Variants in PLBD2 observed in about 807,000 individuals in gnomAD.
PLBD2 encodes the protein phospholipase B domain containing 2.
Under a neutral mutation model 68.3 loss-of-function variants are expected in PLBD2, and 51 were observed. That is an observed-to-expected ratio of 0.75 (90% CI 0.60 to 0.94). PLBD2 has a LOEUF of 0.94. Among genes scored for constraint, PLBD2 ranks in the 40% least tolerant of loss-of-function variants. The pLI is 0.00. For synonymous variants in PLBD2, 314 were observed against 339.3 expected, an observed-to-expected ratio of 0.93 and a Z score of 0.82; for missense variants, 729 against 792.2, an observed-to-expected ratio of 0.92 and a Z score of 0.96.
At chr12:113,365,255 G>GT (rs1957332124) in intron 1 of PLBD2, among the ~76,000 whole-genome samples, 1 of 152,046 alleles carries the variant, frequency 6.6e-6, no homozygotes, top group Non-Finnish European at 1.5e-5. Flanking sequence ...ACTGTATTAT[G>GT]TGGGAGCCTC....
At chr12:113,386,804 C>T in intron 9 of PLBD2, 133 bp from the exon 10 acceptor site, 1 of 1,041,156 alleles carries the variant, frequency 9.6e-7, no homozygotes, top group Non-Finnish European at 1.3e-6. Flanking sequence ...CAGGTGTGAG[C>T]CACTGCACCC....
intron 2 of PLBD2, among the ~76,000 whole-genome samples, chr12:113,370,473 T>C (rs1957379700): frequency 9.2e-6 from 1 of 109,110 alleles, no homozygotes; most frequent in South Asian, 3.1e-4. Context: ...TTTTCTTTTC[T>C]TTTTTTTTTT....
At chr12:113,382,578 G>C (rs1957501527) in intron 6 of PLBD2, among the ~76,000 whole-genome samples, 2 of 151,700 alleles carry the variant, frequency 1.3e-5, no homozygotes, top group South Asian at 4.2e-4. Context: ...CAAGTAACTG[G>C]AACTATAGGC....
chr12:113,376,258 G>C (rs908800793), intron 5 of PLBD2, among the ~76,000 whole-genome samples: 10 of 151,310 alleles, frequency 6.6e-5, no homozygotes, highest in African/African-American at 2.4e-4. Context: ...CTGCCTCCTG[G>C]GTTCAAGTGA....
intron 5 of PLBD2, among the ~76,000 whole-genome samples, chr12:113,376,163 A>G (rs1259771910): frequency 8.7e-6 from 1 of 115,292 alleles, no homozygotes; most frequent in Non-Finnish European, 1.8e-5. Context: ...TTGACACAGC[A>G]TTTTTTTTTT....
In PLBD2 at chr12:113,380,692, G is replaced by A. The variant is rs191630350; in HGVS notation, c.860-53G>A. The A allele has an allele frequency of 3.7e-5, 52 of 1,424,604 alleles. No individual in the cohort carries two copies. In the East Asian group the frequency reaches 1.2e-3, roughly 33 times the overall value. 88.2% of individuals were successfully genotyped at this position (1,424,604 alleles called of 1,614,324 possible). A position where few individuals can be genotyped will look rare whatever the true frequency, so the allele number is the denominator to read the frequency against. On this transcript the variant is annotated intron_variant, in intron 5 of 11. Coordinates refer to ENST00000280800, the MANE Select transcript of PLBD2 (RefSeq NM_173542.4). ...GTGTCTTGTTAGGTAGGGTGCAGGG[G>A]CCTCCACCTGTGCCTGTCTGACCAG...
chr12:113,361,845 A>G (rs1365375533), intron 1 of PLBD2, among the ~76,000 whole-genome samples: 1 of 152,218 alleles, frequency 6.6e-6, no homozygotes, highest in Non-Finnish European at 1.5e-5. Flanking sequence ...CCCACTGACC[A>G]GCACCTTATC....
chr12:113,381,672 G>A (rs1957491958), intron 6 of PLBD2, among the ~76,000 whole-genome samples: 1 of 152,050 alleles, frequency 6.6e-6, no homozygotes. Flanking sequence ...AGGGACACGT[G>A]AAATGGTTCC....
Position 113,359,680 on chromosome 12 carries a change from C to A in PLBD2, c.290+790C>A, listed in dbSNP as rs552826310. ...TGAGGATGTGCTCTAGTTGGGTGGT[C>A]ATGTGCTGCAAGTTCTGTACAAGGG... On this transcript the variant is annotated intron_variant, in intron 1 of 11. Transcript: ENST00000280800. Among the ~76,000 whole-genome samples the A allele has an allele frequency of 2.0e-5, 3 of 152,348 alleles. No homozygotes were observed. In the South Asian group the frequency reaches 6.2e-4, roughly 32 times the overall value.
intron 2 of PLBD2, among the ~76,000 whole-genome samples, chr12:113,371,641 T>G (rs1037496013): frequency 6.6e-6 from 1 of 152,246 alleles, no homozygotes; most frequent in Admixed American, 6.5e-5. Context: ...GTGGCTCTTA[T>G]GTCAGGAATC....
In PLBD2 at chr12:113,364,389, A is replaced by T. The variant is rs1593278914; in HGVS notation, c.291-4727A>T. ...CACTGCCAGCTTTTATCACGAGGGG[A>T]TCTGCATATTGGGCCCTGTTATAAT... On this transcript the variant is annotated intron_variant, in intron 1 of 11. Coordinates refer to ENST00000280800, the MANE Select transcript of PLBD2 (RefSeq NM_173542.4). Among the ~76,000 whole-genome samples the T allele has an allele frequency of 3.3e-5, 5 of 150,940 alleles. No individual in the cohort carries two copies. The East Asian group carries it at 9.8e-4, about 30-fold the overall frequency.
At chr12:113,366,675 T>C (rs1220587226) in intron 1 of PLBD2, among the ~76,000 whole-genome samples, 1 of 151,958 alleles carries the variant, frequency 6.6e-6, no homozygotes, top group Admixed American at 6.6e-5. Context: ...AGAGTCTTGC[T>C]TTCCCAGGCT....
At chr12:113,376,656 C>G (rs974349663) in intron 5 of PLBD2, 1 of 152,144 alleles carries the variant, frequency 6.6e-6, no homozygotes, top group African/African-American at 2.4e-5. Context: ...TTCTTCCTGT[C>G]AAATGTGAAA....
intron 1 of PLBD2, among the ~76,000 whole-genome samples, chr12:113,361,487 G>A (rs557378972): frequency 3.6e-4 from 55 of 151,298 alleles, no homozygotes; most frequent in Admixed American, 1.2e-3. Flanking sequence ...CTATAGATAC[G>A]CACCCCCATG....
intron 1 of PLBD2, among the ~76,000 whole-genome samples, chr12:113,363,973 G>A (rs1957319210): frequency 1.3e-5 from 2 of 152,184 alleles, no homozygotes; most frequent in Admixed American, 6.5e-5. Flanking sequence ...TGGACTTCTC[G>A]ACTTTTTTTT....
At chr12:113,362,252 G>A (rs1332522806) in intron 1 of PLBD2, among the ~76,000 whole-genome samples, 1 of 152,014 alleles carries the variant, frequency 6.6e-6, no homozygotes, top group African/African-American at 2.4e-5. Context: ...GTTTGAGCCT[G>A]GGAAGTCGAG....
chr12:113,380,682 G>C, intron 5 of PLBD2, 63 bp from the exon 6 acceptor site: 1 of 1,328,714 alleles, frequency 7.5e-7, no homozygotes, highest in Non-Finnish European at 1.0e-6. Flanking sequence ...TTGTTAGGTA[G>C]GGTGCAGGGG....
chr12:113,362,562 A>T (rs1957304810), intron 1 of PLBD2, among the ~76,000 whole-genome samples: 1 of 151,850 alleles, frequency 6.6e-6, no homozygotes, highest in Non-Finnish European at 1.5e-5. Flanking sequence ...TGCCCCTGGC[A>T]TGAAATTGCA....
At position 113,380,767 on chromosome 12, in the gene PLBD2, C is replaced by G; in HGVS notation, c.882C>G (p.Gly294=). Residue 294 remains glycine (G), a synonymous_variant, in exon 6 of 12, where the codon GGC becomes GGG. Coordinates refer to ENST00000280800, the MANE Select transcript of PLBD2 (RefSeq NM_173542.4). ...GPWGDYPLVP[G]NKLVFSSYPG... is the part of the protein sequence containing the mutation. ...CAGGGGACTACCCGCTGGTTCCCGGCAACAAGCTGGTCTTCTCCTCCTACC... is the reference window on the plus strand; with the variant it reads ...CAGGGGACTACCCGCTGGTTCCCGGGAACAAGCTGGTCTTCTCCTCCTACC... 5 of 1,552,750 alleles carry G rather than the reference C, an allele frequency of 3.2e-6. No individual in the cohort carries two copies. In the South Asian group the frequency reaches 5.9e-5, roughly 18 times the overall value.
Sources: gnomAD v4.1 joint callset for allele counts (sites outside exome capture counted in the v4.1 genomes callset) on GRCh38, gnomAD v4.1.1 for gene constraint, MANE v1.5 for transcripts, NCBI Gene and HGNC (gene_info 2026-07-23, HGNC 2026-07-21) for gene names.